The following PIP5K1A variants were observed in gnomAD, a reference collection of about 807,000 sequenced individuals.
PIP5K1A encodes the protein phosphatidylinositol-4-phosphate 5-kinase type 1 alpha, also known as phosphatidylinositol 4-phosphate 5-kinase type-1 alpha.
In PIP5K1A, 46 loss-of-function variants were observed where a neutral mutation model predicts 72.9. That is an observed-to-expected ratio of 0.63 (90% CI 0.50 to 0.81). PIP5K1A has a LOEUF of 0.81. PIP5K1A is among the 30% of genes least tolerant of loss of function. The pLI is 0.00. For synonymous variants in PIP5K1A, 228 were observed against 255.1 expected (o/e 0.89, Z 1.01); for missense variants, 458 against 706.1 (o/e 0.65, Z 3.98).
intron 9 of PIP5K1A, 111 bp downstream of exon 9, chr1:151,236,874 C>CTGA: frequency 1.4e-6 from 1 of 722,432 alleles, no homozygotes; most frequent in South Asian, 2.0e-5. Flanking sequence ...GGCTGATGTG[C>CTGA]TGATGTGCAA....
chr1:151,231,881 G>T, intron 5 of PIP5K1A, 80 bp downstream of exon 5: 2 of 1,350,216 alleles, frequency 1.5e-6, no homozygotes, highest in Non-Finnish European at 1.1e-6. Flanking sequence ...AGGGGTTCAG[G>T]TCGGACAATT....
intron 3 of PIP5K1A, among the ~76,000 whole-genome samples, chr1:151,226,090 C>CTTT (rs1271678597): frequency 8.4e-6 from 1 of 119,438 alleles, no homozygotes; most frequent in African/African-American, 3.1e-5. Flanking sequence ...TGTTTCTTTT[C>CTTT]TTTTTTTTTT....
chr1:151,226,081 GTTTCT>G (rs1689081606), intron 3 of PIP5K1A, among the ~76,000 whole-genome samples: 1 of 139,396 alleles, frequency 7.2e-6, no homozygotes, highest in Non-Finnish European at 1.6e-5. Flanking sequence ...ACCCAGCTAT[GTTTCT>G]TTTCTTTTTT....
At chr1:151,221,971 C>T (rs1688457384) in intron 1 of PIP5K1A, among the ~76,000 whole-genome samples, 1 of 152,084 alleles carries the variant, frequency 6.6e-6, no homozygotes, top group African/African-American at 2.4e-5. Flanking sequence ...CCTGTAGTCC[C>T]AACTACTCAG....
Position 151,248,186 on chromosome 1 carries a change from C to A in PIP5K1A, c.*321C>A. 1 of 404,034 alleles carries A rather than the reference C, an allele frequency of 2.5e-6. No individual in the cohort carries two copies. The highest frequency in any genetic ancestry group is 4.5e-6 in the Non-Finnish European group (1 of 222,232). 25.0% of individuals were successfully genotyped at this position (404,034 alleles called of 1,614,324 possible). ...TTTTTTCAGACCCCCATTCTTCATG[C>A]TGGAAATGGGATTGCTGGACTTGGC... On this transcript the variant is annotated 3_prime_UTR_variant, in exon 16 of 16. Coordinates refer to ENST00000368888, the MANE Select transcript of PIP5K1A (RefSeq NM_001135638.2).
chr1:151,213,103 A>G (rs763232662), intron 1 of PIP5K1A, among the ~76,000 whole-genome samples: 29 of 152,080 alleles, frequency 1.9e-4, no homozygotes, highest in Non-Finnish European at 4.1e-4. Context: ...TGTGTTAGCC[A>G]GGATGGTCTC....
intron 1 of PIP5K1A, among the ~76,000 whole-genome samples, chr1:151,209,734 C>T (rs1686517929): frequency 6.6e-6 from 1 of 151,334 alleles, no homozygotes; most frequent in African/African-American, 2.4e-5. Flanking sequence ...CCACCGTGCC[C>T]CGCCTGTATT....
At chr1:151,204,463 C>T (rs1287889445) in intron 1 of PIP5K1A, among the ~76,000 whole-genome samples, 3 of 152,192 alleles carry the variant, frequency 2.0e-5, no homozygotes, top group Non-Finnish European at 2.9e-5. Context: ...AGGCGTGAGC[C>T]GCCACGCCCG....
chr1:151,224,557 T>C (rs1162371174), intron 3 of PIP5K1A, among the ~76,000 whole-genome samples, 151 bp downstream of exon 3: 1 of 152,190 alleles, frequency 6.6e-6, no homozygotes, highest in East Asian at 1.9e-4. Context: ...ATATTCTTAT[T>C]TAATCCTTCA....
In PIP5K1A at chr1:151,234,360, G is replaced by A. The variant is rs754640579; in HGVS notation, c.803G>A (p.Arg268Gln). The A allele has an allele frequency of 8.1e-6, 13 of 1,613,938 alleles. No homozygotes were observed. In the Admixed American group the frequency reaches 8.3e-5, roughly 10 times the overall value. Reference protein sequence around the residue: ...YDLKGSTYKRRASQKEREKPL... With the variant: ...YDLKGSTYKRQASQKEREKPL... ...CTCAAAGGCTCAACCTACAAACGGC[G>A]GGCTTCCCAGAAAGAGCGAGAGAAG... Residue 268 changes from arginine (R) to glutamine (Q), a missense_variant, in exon 8 of 16, where the codon CGG becomes CAG. Arg to Gln is a conservative substitution (Grantham distance 43). Around this residue, in one of 3 missense-constraint regions of PIP5K1A, gnomAD observed 220 missense variants for 442.6 expected, o/e 0.50. Transcript: ENST00000368888.
chr1:151,235,994 G>A (rs1305014850), intron 8 of PIP5K1A, among the ~76,000 whole-genome samples: 2 of 151,952 alleles, frequency 1.3e-5, no homozygotes, highest in Non-Finnish European at 2.9e-5. Context: ...GGTGGCACGT[G>A]CCTGTAATCC....
chr1:151,242,743 C>G (rs1691939507), intron 14 of PIP5K1A, among the ~76,000 whole-genome samples, 176 bp downstream of exon 14: 1 of 152,130 alleles, frequency 6.6e-6, no homozygotes, highest in Non-Finnish European at 1.5e-5. Context: ...GCTGGGTCCT[C>G]TGGCTCAAGA....
At position 151,224,267 on chromosome 1, in the gene PIP5K1A, C is replaced by T. The variant is rs774363820; in HGVS notation, c.108C>T (p.Pro36=). Residue 36 remains proline, a synonymous_variant, in exon 2 of 16, where the codon CCC becomes CCT. Transcript: ENST00000368888. Reference sequence around the variant, plus strand: ...TAGCAGCATCTGGAATCAAGAGACCCATGGCATCTGAGGTGAGTTTCATAC... The same window carrying T: ...TAGCAGCATCTGGAATCAAGAGACCTATGGCATCTGAGGTGAGTTTCATAC... ...LSSAASGIKR[P]MASEVLEARQ... 1 of 1,613,472 alleles carries T rather than the reference C, an allele frequency of 6.2e-7. No homozygotes were observed. The highest frequency in any genetic ancestry group is 8.5e-7 in the Non-Finnish European group (1 of 1,179,516).
Position 151,231,805 on chromosome 1 carries a change from C to T in PIP5K1A, c.368+4C>T, listed in dbSNP as rs1332704371. 6.2e-7 allele frequency: 1 copy of T among 1,613,664 alleles called. No homozygotes were observed. Among genetic ancestry groups the T allele is most frequent in the African/African-American group, 1.3e-5 (1 of 74,890 alleles). On this transcript the variant is annotated splice_donor_region_variant and intron_variant, in intron 5 of 15. Coordinates refer to ENST00000368888, the MANE Select transcript of PIP5K1A (RefSeq NM_001135638.2). ...TTGAGAGTATCTTCTTTCCCAGGTACAGAGTTTAATGTTCAGGAGCATGTC... is the reference window on the plus strand; with the variant it reads ...TTGAGAGTATCTTCTTTCCCAGGTATAGAGTTTAATGTTCAGGAGCATGTC...
At position 151,249,531 on chromosome 1, in the gene PIP5K1A, A is replaced by G. The variant is rs1024781369; in HGVS notation, c.*1666A>G. The G allele has an allele frequency of 5.9e-5, 9 of 151,906 alleles. No individual in the cohort carries two copies. The highest frequency in any genetic ancestry group is 1.9e-4 in the African/African-American group (8 of 41,316). 9.4% of individuals were successfully genotyped at this position (151,906 alleles called of 1,614,324 possible). A position where few individuals can be genotyped will look rare whatever the true frequency, so the allele number is the denominator to read the frequency against. ...TAATAAACTTTAATGAGTTATTTAG[A>G]CCTCTTATTTTTTCTGATTCTTTTT... On this transcript the variant is annotated 3_prime_UTR_variant, in exon 16 of 16. Coordinates refer to ENST00000368888, the MANE Select transcript of PIP5K1A (RefSeq NM_001135638.2).
intron 1 of PIP5K1A, among the ~76,000 whole-genome samples, chr1:151,215,805 A>G (rs1287721345): frequency 2.0e-5 from 3 of 152,180 alleles, no homozygotes; most frequent in Non-Finnish European, 2.9e-5. Context: ...TAGAATTACA[A>G]AAAAATCATT....
chr1:151,224,481 G>A (rs2102441940), intron 3 of PIP5K1A, 75 bp downstream of exon 3: 2 of 1,103,234 alleles, frequency 1.8e-6, no homozygotes, highest in Admixed American at 3.6e-5. Flanking sequence ...CATTTATTGA[G>A]CATTTTTAAT....
chr1:151,222,958 G>A (rs1030119697), intron 1 of PIP5K1A, among the ~76,000 whole-genome samples: 6 of 152,166 alleles, frequency 3.9e-5, no homozygotes, highest in Non-Finnish European at 5.9e-5. Flanking sequence ...GCTCATGCCT[G>A]TAATCCCATC....
chr1:151,242,323 T>C, intron 13 of PIP5K1A, 54 bp downstream of exon 13: 1 of 1,606,480 alleles, frequency 6.2e-7, no homozygotes, highest in Admixed American at 1.7e-5. Context: ...CCCTTCCTTC[T>C]GAGCCTTTAT....
Sources: gnomAD v4.1 joint callset for allele counts (sites outside exome capture counted in the v4.1 genomes callset) on GRCh38, gnomAD v4.1.1 for gene constraint, gnomAD v4.1.1 regional missense constraint, MANE v1.5 for transcripts, NCBI Gene and HGNC (gene_info 2026-07-23, HGNC 2026-07-21) for gene names.